Variants in TCF12 observed in about 807,000 individuals in gnomAD.
The protein encoded by TCF12 is DNA-binding protein HTF4.
In TCF12, 45 loss-of-function variants were observed where a neutral mutation model predicts 86.0. The ratio of observed to expected loss-of-function variants is 0.52; its 90% CI spans 0.41 to 0.67. TCF12 has a LOEUF of 0.67. TCF12 is among the 30% of genes least tolerant of loss of function. The pLI, the probability that TCF12 is intolerant of heterozygous loss-of-function variation, is 0.00. For synonymous variants in TCF12, 330 were observed against 299.6 expected (o/e 1.10, Z -1.05); for missense variants, 881 against 859.9 (o/e 1.02, Z -0.31).
intron 5 of TCF12, among the ~76,000 whole-genome samples, chr15:57,123,734 G>A (rs1283393836): frequency 6.6e-6 from 1 of 151,710 alleles, no homozygotes. Context: ...GGTGGATCAC[G>A]AGGTCAGGAG....
chr15:57,030,453 G>A (rs1198082533), intron 3 of TCF12, among the ~76,000 whole-genome samples: 1 of 152,122 alleles, frequency 6.6e-6, no homozygotes, highest in Non-Finnish European at 1.5e-5. Context: ...ATCTTGCTGT[G>A]TTGCCCAGGC....
intron 3 of TCF12, among the ~76,000 whole-genome samples, chr15:56,928,424 C>G (rs1368482276): frequency 1.3e-5 from 2 of 151,912 alleles, no homozygotes; most frequent in Non-Finnish European, 2.9e-5. Flanking sequence ...TTGTGATAAG[C>G]AATTTATGGG....
rs71113046 is a variant in TCF12 at position 56,984,001 on chromosome 15, C to CAAAAA, written c.148+62914_148+62918dup. 2.6e-3 allele frequency among the ~76,000 whole-genome samples: 111 copies of CAAAAA among 43,052 alleles called. 8 individuals are homozygous for CAAAAA. The highest frequency in any genetic ancestry group is 0.011 in the East Asian group (10 of 876). The allele number at this position is 43,052 out of a possible 152,430, so 28.2% of individuals were successfully genotyped here. On this transcript the variant is annotated intron_variant, in intron 3 of 20. Transcript: ENST00000333725. ...TAGGCAACTGAGTGAGACCCTGTCT[C>CAAAAA]AAAAAAAAAAAAAAAGAAGAAGAAG...
At chr15:57,051,268 G>A (rs552542445) in intron 3 of TCF12, among the ~76,000 whole-genome samples, 1 of 152,310 alleles carries the variant, frequency 6.6e-6, no homozygotes, top group African/African-American at 2.4e-5. Flanking sequence ...TCTGTGATCA[G>A]TTATTTTAGC....
chr15:57,218,919 C>G, intron 8 of TCF12: 1 of 517,808 alleles, frequency 1.9e-6, no homozygotes. Flanking sequence ...GCATGATGGT[C>G]TGCTTTCTCC....
intron 5 of TCF12, among the ~76,000 whole-genome samples, chr15:57,152,165 C>G (rs2053808028): frequency 6.6e-6 from 1 of 152,220 alleles, no homozygotes; most frequent in African/African-American, 2.4e-5. Flanking sequence ...GAATTTCTCA[C>G]TCTAAAGTCC....
chr15:56,973,530 T>C (rs915587759), intron 3 of TCF12, among the ~76,000 whole-genome samples: 6 of 152,140 alleles, frequency 3.9e-5, no homozygotes, highest in Non-Finnish European at 7.4e-5. Flanking sequence ...TGTTCCTCTT[T>C]TGTAGTCGAA....
At chr15:56,962,885 CTT>C (rs1350254020) in intron 3 of TCF12, among the ~76,000 whole-genome samples, 1 of 152,242 alleles carries the variant, frequency 6.6e-6, no homozygotes, top group Admixed American at 6.5e-5. Flanking sequence ...CATTTAATGA[CTT>C]TATTGTAGCC....
At chr15:57,043,759 CATTG>C (rs1298129804) in intron 3 of TCF12, among the ~76,000 whole-genome samples, 2 of 151,948 alleles carry the variant, frequency 1.3e-5, no homozygotes, top group Non-Finnish European at 2.9e-5. Flanking sequence ...TGTATTTGTC[CATTG>C]ATTGTTTTTG....
chr15:57,145,834 T>C (rs2151429575), intron 5 of TCF12, among the ~76,000 whole-genome samples: 1 of 151,528 alleles, frequency 6.6e-6, no homozygotes, highest in South Asian at 2.1e-4. Context: ...TGCTGCGTGA[T>C]AGTTGAGGGT....
Position 57,237,063 on chromosome 15 carries a change from T to TG in TCF12, c.1035+2956_1035+2957insG, listed in dbSNP as rs545631361. Among the ~76,000 whole-genome samples the TG allele has an allele frequency of 1.5e-4, 23 of 152,254 alleles. No individual in the cohort carries two copies. The South Asian group carries it at 4.8e-3, about 32-fold the overall frequency. On this transcript the variant is annotated intron_variant, in intron 12 of 20. Transcript: ENST00000333725. ...AGAGGAGATCAAACAAGAAGACTGT[T>TG]TAACTTTGTTGATTATATCAGACTT...
chr15:56,959,287 TGTGA>T (rs1440819973), intron 3 of TCF12, among the ~76,000 whole-genome samples: 1 of 152,192 alleles, frequency 6.6e-6, no homozygotes, highest in Non-Finnish European at 1.5e-5. Flanking sequence ...TATAATAACC[TGTGA>T]GTATCCATTG....
chr15:57,180,278 A>G (rs1211423456), intron 6 of TCF12, among the ~76,000 whole-genome samples: 1 of 152,144 alleles, frequency 6.6e-6, no homozygotes, highest in Non-Finnish European at 1.5e-5. Flanking sequence ...AGACTTCTTT[A>G]TCATTCTTGG....
At chr15:57,086,640 T>A (rs1445352381) in intron 4 of TCF12, among the ~76,000 whole-genome samples, 1 of 150,794 alleles carries the variant, frequency 6.6e-6, no homozygotes, top group African/African-American at 2.4e-5. Flanking sequence ...TTTGGTCTTG[T>A]TAGGGTCCAG....
At chr15:57,208,262 G>GAC (rs1163040673) in intron 8 of TCF12, among the ~76,000 whole-genome samples, 3 of 151,382 alleles carry the variant, frequency 2.0e-5, no homozygotes, top group African/African-American at 7.3e-5. Context: ...TTGAACTCCT[G>GAC]ACCTCGTGAT....
chr15:57,070,205 A>T (rs1330986479), intron 4 of TCF12, among the ~76,000 whole-genome samples: 1 of 151,844 alleles, frequency 6.6e-6, no homozygotes, highest in East Asian at 1.9e-4. Context: ...TTTTTTTATT[A>T]AGGGATAGTA....
intron 16 of TCF12, among the ~76,000 whole-genome samples, chr15:57,254,612 G>A (rs1318480997): frequency 6.6e-6 from 1 of 152,076 alleles, no homozygotes; most frequent in Non-Finnish European, 1.5e-5. Flanking sequence ...TGTAATCTCA[G>A]CACTTTGGGA....
intron 5 of TCF12, among the ~76,000 whole-genome samples, chr15:57,121,469 A>G (rs570824591): frequency 6.6e-6 from 1 of 152,292 alleles, no homozygotes; most frequent in South Asian, 2.1e-4. Flanking sequence ...GAGGTTATTA[A>G]ATTATGACAG....
At chr15:56,948,745 AC>A (rs1171324001) in intron 3 of TCF12, among the ~76,000 whole-genome samples, 1 of 152,222 alleles carries the variant, frequency 6.6e-6, no homozygotes, top group Non-Finnish European at 1.5e-5. Context: ...CTCTGTAGGA[AC>A]ATCAAAATGT....
Sources: gnomAD v4.1 joint callset for allele counts (sites outside exome capture counted in the v4.1 genomes callset) on GRCh38, gnomAD v4.1.1 for gene constraint, MANE v1.5 for transcripts, NCBI Gene and HGNC (gene_info 2026-07-23, HGNC 2026-07-21) for gene names.